The following DSCAM variants were observed in gnomAD, a reference collection of about 807,000 sequenced individuals.
DSCAM encodes cell adhesion molecule DSCAM.
DSCAM carries 47 observed loss-of-function variants against 217.7 expected under a neutral mutation model. The ratio of observed to expected loss-of-function variants is 0.22; its 90% CI spans 0.17 to 0.28. The LOEUF is 0.28. DSCAM is among the 10% of genes least tolerant of loss of function. The pLI, the probability that DSCAM is intolerant of heterozygous loss-of-function variation, is 1.00. For synonymous variants in DSCAM, 1,056 were observed against 1,015.3 expected (o/e 1.04, Z -0.76); for missense variants, 2,080 against 2,618.3 (o/e 0.79, Z 4.49).
intron 32 of DSCAM, among the ~76,000 whole-genome samples, chr21:40,026,325 G>T (rs2088382267): frequency 7.0e-6 from 1 of 142,326 alleles, no homozygotes; most frequent in African/African-American, 2.6e-5. Context: ...GTGTGGTGTG[G>T]TGCTGAAAAA....
At chr21:40,757,094 G>A (rs915205036) in intron 1 of DSCAM, among the ~76,000 whole-genome samples, 4 of 151,756 alleles carry the variant, frequency 2.6e-5, no homozygotes, top group African/African-American at 4.8e-5. Flanking sequence ...GCATGATCTC[G>A]GCTCACTGCA....
intron 15 of DSCAM, among the ~76,000 whole-genome samples, chr21:40,175,780 TACACACAC>T (rs35339524): frequency 1.4e-5 from 2 of 144,944 alleles, no homozygotes; most frequent in East Asian, 4.1e-4. Context: ...AACACACACA[TACACACAC>T]ACACACACAC....
At chr21:40,827,911 T>G (rs2123626612) in intron 1 of DSCAM, among the ~76,000 whole-genome samples, 1 of 152,324 alleles carries the variant, frequency 6.6e-6, no homozygotes, top group Admixed American at 6.5e-5. Flanking sequence ...CACAGTTAGT[T>G]TGAGAAGCAC....
intron 8 of DSCAM, among the ~76,000 whole-genome samples, chr21:40,335,195 CA>C (rs967229450): frequency 6.6e-6 from 1 of 152,130 alleles, no homozygotes; most frequent in African/African-American, 2.4e-5. Context: ...AAAAATTTGG[CA>C]AGCCCCAAAT....
chr21:40,256,932 C>T (rs1361254038), intron 11 of DSCAM, among the ~76,000 whole-genome samples: 3 of 152,160 alleles, frequency 2.0e-5, no homozygotes, highest in Non-Finnish European at 4.4e-5. Flanking sequence ...TATCACTACC[C>T]TGAGCACAAC....
chr21:40,459,134 C>T (rs1297304755), intron 3 of DSCAM, among the ~76,000 whole-genome samples: 1 of 151,794 alleles, frequency 6.6e-6, no homozygotes, highest in Non-Finnish European at 1.5e-5. Flanking sequence ...ATCATAAACA[C>T]AAGAATCAAT....
chr21:40,706,177 T>G (rs2090714711), intron 2 of DSCAM, among the ~76,000 whole-genome samples: 1 of 113,358 alleles, frequency 8.8e-6, no homozygotes, highest in Non-Finnish European at 1.7e-5. Context: ...GAGACTCCAG[T>G]CTCAAAAAAA....
chr21:40,021,725 G>A (rs1264393436), intron 32 of DSCAM, among the ~76,000 whole-genome samples: 2 of 152,178 alleles, frequency 1.3e-5, no homozygotes, highest in African/African-American at 4.8e-5. Flanking sequence ...AAATAGGTCA[G>A]CATTGATTTC....
rs146301371 is a variant in DSCAM, at chr21:40,751,133, G to A, written c.44-42362C>T. 2.7e-3 allele frequency among the ~76,000 whole-genome samples: 405 copies of A among 152,020 alleles called. 10 individuals are homozygous for A. Among genetic ancestry groups the A allele is most frequent in the Admixed American group, 0.025 (378 of 15,272 alleles). On this transcript the variant is annotated intron_variant, in intron 1 of 32. Coordinates refer to ENST00000400454, the MANE Select transcript of DSCAM (RefSeq NM_001389.5). The stretch of plus-strand genomic sequence containing the variant: ...GGCCTTGGTGTTTGCTGTTTGCTCT[G>A]CCTGAAAAGCCCTCTTCCACCCCCG...
At chr21:40,363,945 C>CATT (rs1555909812) in intron 4 of DSCAM, among the ~76,000 whole-genome samples, 1 of 152,102 alleles carries the variant, frequency 6.6e-6, no homozygotes, top group Non-Finnish European at 1.5e-5. Flanking sequence ...CATCACTGGC[C>CATT]ATTAGAGAAA....
At chr21:40,365,305 C>T (rs905341672) in intron 4 of DSCAM, among the ~76,000 whole-genome samples, 5 of 152,144 alleles carry the variant, frequency 3.3e-5, no homozygotes, top group Non-Finnish European at 7.3e-5. Context: ...ACTAGACTGG[C>T]TTAGTCCTCC....
At chr21:40,398,322 G>A (rs942600797) in intron 3 of DSCAM, among the ~76,000 whole-genome samples, 7 of 152,070 alleles carry the variant, frequency 4.6e-5, no homozygotes, top group Admixed American at 6.6e-5. Flanking sequence ...CCTACAGCCC[G>A]GATCCCTTTT....
rs147014409 is a variant in DSCAM, at chr21:40,510,412, T to C, written c.509-141167A>G. On this transcript the variant is annotated intron_variant, in intron 3 of 32. Transcript: ENST00000400454. ...TATACATCAATTTTTAAATAATAAGTTGCTCAAAATGTTAGTATTGTTGAC... is the reference window on the plus strand; with the variant it reads ...TATACATCAATTTTTAAATAATAAGCTGCTCAAAATGTTAGTATTGTTGAC... 2.9e-3 allele frequency among the ~76,000 whole-genome samples: 445 copies of C among 152,332 alleles called. 5 individuals are homozygous for C. The highest frequency in any genetic ancestry group is 9.0e-3 in the African/African-American group (373 of 41,580).
rs368213808 is a variant in DSCAM at position 40,080,145 on chromosome 21, T to C, written c.4420+7A>G. Reference sequence around the variant, plus strand: ...GATATTAAGAAGCGATGAGAAGGCATACCTACCTTTTCCTAAGGTCTTTGC... The same window carrying C: ...GATATTAAGAAGCGATGAGAAGGCACACCTACCTTTTCCTAAGGTCTTTGC... On this transcript the variant is annotated splice_region_variant and intron_variant, in intron 25 of 32. Coordinates refer to ENST00000400454, the MANE Select transcript of DSCAM (RefSeq NM_001389.5). 10 of 1,514,610 alleles carry C rather than the reference T, an allele frequency of 6.6e-6. 1 individual carries two copies. The highest frequency in any genetic ancestry group is 2.6e-5 in the East Asian group (1 of 39,104). The allele number at this position is 1,514,610 out of a possible 1,614,324, so 93.8% of individuals were successfully genotyped here.
At chr21:40,396,604 A>G (rs533610925) in intron 3 of DSCAM, among the ~76,000 whole-genome samples, 1 of 152,230 alleles carries the variant, frequency 6.6e-6, no homozygotes, top group South Asian at 2.1e-4. Flanking sequence ...TGTGAGGAAA[A>G]TACTGGAGAA....
intron 3 of DSCAM, among the ~76,000 whole-genome samples, chr21:40,690,983 T>C (rs985330217): frequency 4.6e-5 from 7 of 152,084 alleles, no homozygotes; most frequent in African/African-American, 1.4e-4. Flanking sequence ...TTAATGGGTA[T>C]TAGGCTTAAC....
intron 20 of DSCAM, among the ~76,000 whole-genome samples, chr21:40,109,936 G>A (rs868339358): frequency 6.6e-6 from 1 of 152,166 alleles, no homozygotes; most frequent in Non-Finnish European, 1.5e-5. Flanking sequence ...AAACTGGGTG[G>A]AGCCCACCGC....
intron 3 of DSCAM, among the ~76,000 whole-genome samples, chr21:40,506,399 C>A (rs1044689939): frequency 6.6e-6 from 1 of 152,248 alleles, no homozygotes; most frequent in Non-Finnish European, 1.5e-5. Context: ...CCCGGACTCA[C>A]TGACTTCACG....
At chr21:40,790,353 T>C (rs2091630948) in intron 1 of DSCAM, among the ~76,000 whole-genome samples, 1 of 152,118 alleles carries the variant, frequency 6.6e-6, no homozygotes, top group Admixed American at 6.5e-5. Flanking sequence ...AGCTAATTTT[T>C]GTATTTTTAG....
Sources: allele counts gnomAD v4.1 joint callset (sites outside exome capture counted in the v4.1 genomes callset), GRCh38; gene constraint gnomAD v4.1.1; transcripts MANE v1.5; gene names NCBI Gene and HGNC (gene_info 2026-07-23, HGNC 2026-07-21).